Variants in VPS53 observed in about 807,000 individuals in gnomAD.
VPS53 encodes the protein vacuolar protein sorting-associated protein 53 homolog.
A neutral mutation model predicts 107.0 loss-of-function variants in VPS53; 70 were observed. The observed-to-expected ratio is 0.65, with a 90% CI of 0.54 to 0.80. The LOEUF (loss-of-function observed/expected upper bound fraction) is 0.80. Among genes scored for constraint, VPS53 ranks in the 30% least tolerant of loss-of-function variants. The pLI is 0.00. For synonymous variants in VPS53, 409 were observed against 393.3 expected, an observed-to-expected ratio of 1.04 and a Z score of -0.47; for missense variants, 917 against 1,049.4, an observed-to-expected ratio of 0.87 and a Z score of 1.74.
chr17:673,247 T>A (rs975008457), intron 4 of VPS53, among the ~76,000 whole-genome samples: 1 of 151,740 alleles, frequency 6.6e-6, no homozygotes, highest in Non-Finnish European at 1.5e-5. Flanking sequence ...CCTCACCACA[T>A]CCACTGAGGG....
chr17:708,313 G>A (rs1006219938), intron 2 of VPS53, among the ~76,000 whole-genome samples: 1 of 152,206 alleles, frequency 6.6e-6, no homozygotes, highest in Non-Finnish European at 1.5e-5. Context: ...ACATGTCCAC[G>A]TGACAGGGGG....
chr17:693,360 A>G (rs778235579), intron 4 of VPS53, among the ~76,000 whole-genome samples: 5 of 152,180 alleles, frequency 3.3e-5, no homozygotes, highest in Non-Finnish European at 7.3e-5. Flanking sequence ...TATGGCATAT[A>G]TAGGGTTTGC....
rs1044297842 is a variant in VPS53, at chr17:541,888, G to A, written c.1867-4712C>T. Among the ~76,000 whole-genome samples the A allele has an allele frequency of 2.0e-5, 3 of 146,738 alleles. No homozygotes were observed. The East Asian group carries it at 6.1e-4, about 30-fold the overall frequency. On this transcript the variant is annotated intron_variant, in intron 17 of 21. Transcript: ENST00000437048. Reference sequence around the variant, plus strand: ...GTTTATCAAGCACGTACTACGCACTGAAGGAATGTTTATCAAGCACCTACC... The same window carrying A: ...GTTTATCAAGCACGTACTACGCACTAAAGGAATGTTTATCAAGCACCTACC...
At chr17:575,553 C>T (rs1308036564) in intron 13 of VPS53, among the ~76,000 whole-genome samples, 3 of 152,050 alleles carry the variant, frequency 2.0e-5, no homozygotes, top group Admixed American at 6.6e-5. Flanking sequence ...CAGAGAATCT[C>T]CCTCAGAACC....
At chr17:668,625 G>A (rs904575407) in intron 4 of VPS53, among the ~76,000 whole-genome samples, 2 of 152,106 alleles carry the variant, frequency 1.3e-5, no homozygotes, top group Admixed American at 6.6e-5. Flanking sequence ...GATCTTTTTC[G>A]ACACAGCTCA....
rs1908706711 is a variant in VPS53, at chr17:520,921, A to G, written c.2223+680T>C. On this transcript the variant is annotated intron_variant, in intron 20 of 21. Transcript: ENST00000437048. The surrounding 1 kb of genome is among the most constrained non-coding windows in gnomAD (Gnocchi z 4.4). ...CATGAGCTGCTTCATCCTCACCCAC[A>G]TCCCACCGGTGTCTGAGGCCCTGCT... Among the ~76,000 whole-genome samples, 1 of 151,698 alleles carries G rather than the reference A, an allele frequency of 6.6e-6. No homozygotes were observed. The highest frequency in any genetic ancestry group is 1.5e-5 in the Non-Finnish European group (1 of 67,960).
chr17:597,406 C>T (rs1968025992), intron 12 of VPS53, among the ~76,000 whole-genome samples: 1 of 152,176 alleles, frequency 6.6e-6, no homozygotes, highest in Non-Finnish European at 1.5e-5. Flanking sequence ...ACCTAATCAG[C>T]CACCAGCAAG....
rs1908298909 is a variant in VPS53, at chr17:516,184, A to C, written c.*2944T>G. The C allele has an allele frequency of 1.3e-5, 2 of 151,888 alleles. No homozygotes were observed. The highest frequency in any genetic ancestry group is 1.3e-4 in the Admixed American group (2 of 15,244). 9.4% of individuals were successfully genotyped at this position (151,888 alleles called of 1,614,324 possible). A position where few individuals can be genotyped will look rare whatever the true frequency, so the allele number is the denominator to read the frequency against. On this transcript the variant is annotated 3_prime_UTR_variant, in exon 22 of 22. Coordinates refer to ENST00000437048, the MANE Select transcript of VPS53 (RefSeq NM_001128159.3). ...ACCAGCTCAAGTGTAGTGTCGGCGC[A>C]CTTTTAGCTTAGAGTCAGAAAAATA...
chr17:706,191 C>T (rs1973391400), intron 2 of VPS53: 1 of 152,042 alleles, frequency 6.6e-6, no homozygotes, highest in Admixed American at 6.6e-5. Flanking sequence ...ATTACTATTA[C>T]AGTTGTAGTA....
intron 7 of VPS53, among the ~76,000 whole-genome samples, chr17:649,564 AG>A (rs1970847391): frequency 6.9e-6 from 1 of 144,982 alleles, no homozygotes; most frequent in Non-Finnish European, 1.5e-5. Context: ...CTTACACTGG[AG>A]GACAGAGGAA....
At chr17:580,237 G>A (rs979143986) in intron 13 of VPS53, among the ~76,000 whole-genome samples, 3 of 147,118 alleles carry the variant, frequency 2.0e-5, no homozygotes, top group Middle Eastern at 4.0e-3. Context: ...AAACTAATGC[G>A]TTCCCAGAGA....
At chr17:652,491 C>T (rs568216055) in intron 7 of VPS53, among the ~76,000 whole-genome samples, 13 of 152,238 alleles carry the variant, frequency 8.5e-5, no homozygotes, top group African/African-American at 2.6e-4. Flanking sequence ...TCTTGGGACG[C>T]TCATTCTTGG....
chr17:620,707 C>T (rs1170454950), intron 11 of VPS53, among the ~76,000 whole-genome samples: 13 of 144,926 alleles, frequency 9.0e-5, no homozygotes, highest in Admixed American at 8.6e-4. Flanking sequence ...GATGGAGTCT[C>T]ACTCTGTCGC....
At chr17:589,942 C>T in intron 12 of VPS53, among the ~76,000 whole-genome samples, 1 of 152,000 alleles carries the variant, frequency 6.6e-6, no homozygotes. Flanking sequence ...ATGGGGATGG[C>T]ATTGAATCTG....
chr17:628,023 T>C (rs1018788560), intron 9 of VPS53, 65 bp downstream of exon 9: 1 of 1,508,508 alleles, frequency 6.6e-7, no homozygotes, highest in Non-Finnish European at 9.0e-7. Flanking sequence ...ATTAGTAGGC[T>C]TGACAGCACT....
intron 4 of VPS53, among the ~76,000 whole-genome samples, chr17:662,651 T>C (rs918253928): frequency 6.8e-6 from 1 of 147,866 alleles, no homozygotes; most frequent in Admixed American, 6.9e-5. Flanking sequence ...ATTGCGCCAC[T>C]GCACTCCAGC....
chr17:691,088 A>G (rs1972760820), intron 4 of VPS53, among the ~76,000 whole-genome samples: 1 of 152,228 alleles, frequency 6.6e-6, no homozygotes, highest in African/African-American at 2.4e-5. Context: ...AGCTATCAAG[A>G]GCAAGGATGA....
chr17:521,665 T>C lies in VPS53; in HGVS notation c.2159A>G (p.Lys720Arg). 1 of 1,550,854 alleles carries C rather than the reference T, an allele frequency of 6.4e-7. No individual in the cohort carries two copies. The highest frequency in any genetic ancestry group is 8.7e-7 in the Non-Finnish European group (1 of 1,146,402). The change falls in exon 20 of 22, where the codon AAG becomes AGG. Residue 720 changes from lysine to arginine, a missense_variant. By Grantham distance (26) the Lys-to-Arg change is conservative. Transcript: ENST00000437048. ...GATCTTGGTGTAGCTGGCGGGTGCC[T>C]TCCTCACCACCTGCGAGCTGATGGA... ...LPSISSQVVR[K>R]APASYTKIVV...
At chr17:679,392 T>C (rs1972302622) in intron 4 of VPS53, among the ~76,000 whole-genome samples, 1 of 152,030 alleles carries the variant, frequency 6.6e-6, no homozygotes, top group Non-Finnish European at 1.5e-5. Context: ...CGGCCACCTG[T>C]AGTCCCAGCT....
Sources: allele counts gnomAD v4.1 joint callset (sites outside exome capture counted in the v4.1 genomes callset), GRCh38; gene constraint gnomAD v4.1.1; non-coding constraint Gnocchi (gnomAD v3.1); transcripts MANE v1.5; gene names NCBI Gene and HGNC (gene_info 2026-07-23, HGNC 2026-07-21).